Variants in F2 observed in about 807,000 individuals in gnomAD.
F2 encodes the protein coagulation factor II, thrombin, also known as prothrombin.
F2 carries 34 observed loss-of-function variants against 81.9 expected under a neutral mutation model. The ratio of observed to expected loss-of-function variants is 0.42; its 90% CI spans 0.32 to 0.55. The LOEUF is 0.55. Ranked by LOEUF, F2 falls within the 20% of genes least tolerant of loss-of-function variation. The pLI is 0.18. For synonymous variants in F2, 296 were observed against 326.4 expected (o/e 0.91, Z 1.01); for missense variants, 630 against 833.4 (o/e 0.76, Z 3.00).
chr11:46,730,896 A>T (rs1405405073), intron 12 of F2, among the ~76,000 whole-genome samples: 1 of 149,558 alleles, frequency 6.7e-6, no homozygotes, highest in Non-Finnish European at 1.5e-5. Flanking sequence ...ATGTTCTCTT[A>T]TGCAACCACA....
intron 6 of F2, among the ~76,000 whole-genome samples, chr11:46,724,622 CA>C (rs1189644713): frequency 1.3e-5 from 2 of 152,154 alleles, no homozygotes; most frequent in Non-Finnish European, 2.9e-5. Context: ...AGGTAAACTA[CA>C]CCTCAGCCTG....
intron 12 of F2, among the ~76,000 whole-genome samples, chr11:46,737,440 C>T (rs1419601708): frequency 2.1e-5 from 2 of 94,888 alleles, no homozygotes; most frequent in Non-Finnish European, 4.1e-5. Context: ...CCGTGCCTGG[C>T]CTTTTTTTTT....
Position 46,728,544 on chromosome 11 carries a change from C to A in F2, c.1299-120C>A. ...GGGGCTGCCATGGCAGGAACCAGCC[C>A]TATCCCCTCCCTGGTGGCCTGCAGG... On this transcript the variant is annotated intron_variant, in intron 10 of 13. Coordinates refer to ENST00000311907, the MANE Select transcript of F2 (RefSeq NM_000506.5). The surrounding 1 kb of genome is among the most constrained non-coding windows in gnomAD (Gnocchi z 5.1). The A allele has an allele frequency of 8.6e-7, 1 of 1,162,626 alleles. No individual in the cohort carries two copies. Among genetic ancestry groups the A allele is most frequent in the Non-Finnish European group, 1.3e-6 (1 of 789,184 alleles). 72.0% of individuals were successfully genotyped at this position (1,162,626 alleles called of 1,614,324 possible).
Position 46,728,303 on chromosome 11 carries a change from A to C in F2, c.1298+140A>C. The C allele has an allele frequency of 1.9e-6, 2 of 1,039,842 alleles. No homozygotes were observed. The highest frequency in any genetic ancestry group is 4.0e-5 in the Admixed American group (2 of 49,692). The allele number at this position is 1,039,842 out of a possible 1,614,324, so 64.4% of individuals were successfully genotyped here. A position where few individuals can be genotyped will look rare whatever the true frequency, so the allele number is the denominator to read the frequency against. On this transcript the variant is annotated intron_variant, in intron 10 of 13. Coordinates refer to ENST00000311907, the MANE Select transcript of F2 (RefSeq NM_000506.5). The surrounding 1 kb of genome is among the most constrained non-coding windows in gnomAD (Gnocchi z 5.1). ...TAACATCCCAGCAGTCTCTGCTGGA[A>C]AGCCCATTTGGTCACGTCCTGACTG...
chr11:46,728,264 T>C lies in F2; in HGVS notation c.1298+101T>C. 1 of 1,257,432 alleles carries C rather than the reference T, an allele frequency of 8.0e-7. No homozygotes were observed. 77.9% of individuals were successfully genotyped at this position (1,257,432 alleles called of 1,614,324 possible). Reference sequence around the variant, plus strand: ...TCCGGGACACATAGGATGTTCTGTATACCCCCCAGAATATAACATCCCAGC... The same window carrying C: ...TCCGGGACACATAGGATGTTCTGTACACCCCCCAGAATATAACATCCCAGC... On this transcript the variant is annotated intron_variant, in intron 10 of 13. Coordinates refer to ENST00000311907, the MANE Select transcript of F2 (RefSeq NM_000506.5). The surrounding 1 kb of genome is among the most constrained non-coding windows in gnomAD (Gnocchi z 5.1).
At position 46,726,862 on chromosome 11, in the gene F2, C is replaced by T; in HGVS notation, c.1130+25C>T. The T allele has an allele frequency of 6.2e-7, 1 of 1,613,086 alleles. No homozygotes were observed. ...GGTGTGTCCTGGAGCCCTGCGCTAC[C>T]ATTCACTCCTGGGGGCAGGTGTGCT... On this transcript the variant is annotated intron_variant, in intron 9 of 13. Coordinates refer to ENST00000311907, the MANE Select transcript of F2 (RefSeq NM_000506.5). The surrounding 1 kb of genome is among the most constrained non-coding windows in gnomAD (Gnocchi z 5.9).
At chr11:46,724,432 T>C (rs985385400) in intron 6 of F2, among the ~76,000 whole-genome samples, 10 of 152,188 alleles carry the variant, frequency 6.6e-5, no homozygotes, top group African/African-American at 2.4e-4. Flanking sequence ...CGTGCGTTCA[T>C]GCTGGGGCTG....
Position 46,725,996 on chromosome 11 carries a change from C to A in F2, c.697C>A (p.Pro233Thr), listed in dbSNP as rs369762180. 30 of 1,613,958 alleles carry A rather than the reference C, an allele frequency of 1.9e-5. No homozygotes were observed. The highest frequency in any genetic ancestry group is 2.5e-5 in the Non-Finnish European group (30 of 1,179,968). The part of the protein sequence containing the change: ...GRLAVTTHGL[P>T]CLAWASAQAK... ...CCTGGCGGTGACCACACATGGGCTC[C>A]CCTGCCTGGCCTGGGCCAGCGCACA... Residue 233 changes from proline (P) to threonine (T), a missense_variant, in exon 7 of 14, where the codon CCC (proline) becomes ACC (threonine). Physicochemically the swap from Pro to Thr is conservative, Grantham distance 38. Coordinates refer to ENST00000311907, the MANE Select transcript of F2 (RefSeq NM_000506.5).
rs530660857 is a variant in F2 at position 46,726,299 on chromosome 11, T to TG, written c.874+132dup. The TG allele has an allele frequency of 1.4e-3, 1,978 of 1,441,992 alleles. 5 individuals are homozygous for TG. Among genetic ancestry groups the TG allele is most frequent in the Non-Finnish European group, 1.6e-3 (1,665 of 1,059,436 alleles). The allele number at this position is 1,441,992 out of a possible 1,614,324, so 89.3% of individuals were successfully genotyped here. A position where few individuals can be genotyped will look rare whatever the true frequency, so the allele number is the denominator to read the frequency against. On this transcript the variant is annotated intron_variant, in intron 7 of 13. Transcript: ENST00000311907. This position sits in a 1 kb window ranked among gnomAD's most constrained non-coding sequence, Gnocchi z 5.9. ...TCATTACAGCCTTACAGTAACCAGGTGGGGGGTAAGGTCCTGTGCCCATTT... is the reference window on the plus strand; with the variant it reads ...TCATTACAGCCTTACAGTAACCAGGTGGGGGGGTAAGGTCCTGTGCCCATTT...
chr11:46,734,732 A>G (rs2064934014), intron 12 of F2, among the ~76,000 whole-genome samples: 2 of 152,060 alleles, frequency 1.3e-5, no homozygotes, highest in South Asian at 4.2e-4. Flanking sequence ...AATTGCTTGA[A>G]CCTGGGAGGC....
At chr11:46,737,970 A>C (rs2064954595) in intron 12 of F2, among the ~76,000 whole-genome samples, 1 of 151,530 alleles carries the variant, frequency 6.6e-6, no homozygotes, top group African/African-American at 2.4e-5. Flanking sequence ...CCACGTAGCT[A>C]GGATCAGAGG....
chr11:46,719,470 G>A lies in F2; in HGVS notation c.79+156G>A. 3 of 1,015,718 alleles carry A rather than the reference G, an allele frequency of 3.0e-6. No homozygotes were observed. The highest frequency in any genetic ancestry group is 4.5e-6 in the Non-Finnish European group (3 of 672,620). 62.9% of individuals were successfully genotyped at this position (1,015,718 alleles called of 1,614,324 possible). ...GGGAAGAAGTCAGGAGCTCAGGGCT[G>A]GAAAGAGAATGGCTGCTTCTCTCTT... On this transcript the variant is annotated intron_variant, in intron 1 of 13. Coordinates refer to ENST00000311907, the MANE Select transcript of F2 (RefSeq NM_000506.5). This position sits in a 1 kb window ranked among gnomAD's most constrained non-coding sequence, Gnocchi z 4.7.
Position 46,727,877 on chromosome 11 carries a change from G to A in F2, c.1131-119G>A. 8 of 1,200,814 alleles carry A rather than the reference G, an allele frequency of 6.7e-6. No individual in the cohort carries two copies. The South Asian group carries it at 1.1e-4, about 17-fold the overall frequency. 74.4% of individuals were successfully genotyped at this position (1,200,814 alleles called of 1,614,324 possible). A position where few individuals can be genotyped will look rare whatever the true frequency, so the allele number is the denominator to read the frequency against. ...AGGCGGCCAGCCCAAGCTTGGATCT[G>A]GGCCCCGGAGGCAGCTCTGCCCAGC... On this transcript the variant is annotated intron_variant, in intron 9 of 13. Transcript: ENST00000311907.
At chr11:46,729,229 C>T in intron 11 of F2, 151 bp from the exon 12 acceptor site, 1 of 815,492 alleles carries the variant, frequency 1.2e-6, no homozygotes, top group Non-Finnish European at 1.9e-6. Flanking sequence ...ATTCACCCGC[C>T]TCGGCCTCCC....
At chr11:46,725,056 C>G (rs1360323646) in intron 6 of F2, among the ~76,000 whole-genome samples, 1 of 144,290 alleles carries the variant, frequency 6.9e-6, no homozygotes, top group African/African-American at 2.6e-5. Flanking sequence ...AGGGGTGAGG[C>G]ACTGCGCCCG....
At position 46,728,706 on chromosome 11, in the gene F2, C is replaced by G. The variant is rs1396922190; in HGVS notation, c.1341C>G (p.Ile447Met). Residue 447 changes from isoleucine to methionine, a missense_variant, in exon 11 of 14, where the codon ATC (isoleucine) becomes ATG (methionine). Transcript: ENST00000311907. The surrounding 1 kb of genome is among the most constrained non-coding windows in gnomAD (Gnocchi z 5.1). Reference sequence around the variant, plus strand: ...AAAAGATATCCATGTTGGAAAAGATCTACATCCACCCCAGGTACAACTGGC... The same window carrying G: ...AAAAGATATCCATGTTGGAAAAGATGTACATCCACCCCAGGTACAACTGGC... Reference protein sequence around the residue: ...NIEKISMLEKIYIHPRYNWRE... With the variant: ...NIEKISMLEKMYIHPRYNWRE... The G allele has an allele frequency of 1.2e-6, 2 of 1,614,130 alleles. No individual in the cohort carries two copies. Among genetic ancestry groups the G allele is most frequent in the African/African-American group, 2.7e-5 (2 of 74,956 alleles).
At position 46,726,051 on chromosome 11, in the gene F2, T is replaced by A; in HGVS notation, c.752T>A (p.Phe251Tyr). 6.2e-7 allele frequency: 1 copy of A among 1,614,148 alleles called. No homozygotes were observed. Among genetic ancestry groups the A allele is most frequent in the South Asian group, 1.1e-5 (1 of 91,088 alleles). ...AAGGCCCTGAGCAAGCACCAGGACT[T>A]CAACTCAGCTGTGCAGCTGGTGGAG... ...QAKALSKHQDFNSAVQLVENF... is the reference protein window; with the variant it reads ...QAKALSKHQDYNSAVQLVENF... The change falls in exon 7 of 14, where the codon TTC (phenylalanine) becomes TAC (tyrosine). Residue 251 changes from phenylalanine (F) to tyrosine (Y), a missense_variant. Coordinates refer to ENST00000311907, the MANE Select transcript of F2 (RefSeq NM_000506.5). The surrounding 1 kb of genome is among the most constrained non-coding windows in gnomAD (Gnocchi z 5.9).
chr11:46,726,686 C>T lies in F2; in HGVS notation c.1004-25C>T, dbSNP rs542841122. Reference sequence around the variant, plus strand: ...GCGGGGCTGGTGGCCAGGACTTGCCCCTCACTGCTTGGCTTGCTCTGCAGA... The same window carrying T: ...GCGGGGCTGGTGGCCAGGACTTGCCTCTCACTGCTTGGCTTGCTCTGCAGA... On this transcript the variant is annotated intron_variant, in intron 8 of 13. Coordinates refer to ENST00000311907, the MANE Select transcript of F2 (RefSeq NM_000506.5). This position sits in a 1 kb window ranked among gnomAD's most constrained non-coding sequence, Gnocchi z 5.9. 3 of 1,613,774 alleles carry T rather than the reference C, an allele frequency of 1.9e-6. No homozygotes were observed. In the South Asian group the frequency reaches 3.3e-5, roughly 18 times the overall value.
intron 9 of F2, among the ~76,000 whole-genome samples, chr11:46,727,781 A>C (rs2064883696): frequency 6.6e-6 from 1 of 151,930 alleles, no homozygotes; most frequent in Non-Finnish European, 1.5e-5. Flanking sequence ...CCTGTCTCAA[A>C]AATAAATAAA....
Sources: gnomAD v4.1 joint callset for allele counts (sites outside exome capture counted in the v4.1 genomes callset) on GRCh38, gnomAD v4.1.1 for gene constraint, Gnocchi (gnomAD v3.1) non-coding constraint, MANE v1.5 for transcripts, NCBI Gene and HGNC (gene_info 2026-07-23, HGNC 2026-07-21) for gene names.